Variants in NRDE2 observed in about 807,000 individuals in gnomAD.
NRDE2 encodes nuclear exosome regulator NRDE2.
Under a neutral mutation model 124.2 loss-of-function variants are expected in NRDE2, and 76 were observed. The observed-to-expected ratio is 0.61, with a 90% CI of 0.51 to 0.74. The LOEUF (loss-of-function observed/expected upper bound fraction) is 0.74. NRDE2 is among the 30% of genes least tolerant of loss of function. The probability of loss-of-function intolerance (pLI) is 0.00; values close to 1 mark genes in which losing one functional copy is unlikely to be tolerated. For synonymous variants in NRDE2, 489 were observed against 528.1 expected (o/e 0.93, Z 1.01); for missense variants, 1,314 against 1,417.3 (o/e 0.93, Z 1.17).
chr14:90,295,506 A>G (rs1413544501), intron 8 of NRDE2, among the ~76,000 whole-genome samples: 2 of 152,204 alleles, frequency 1.3e-5, no homozygotes, highest in African/African-American at 2.4e-5. Flanking sequence ...AAAAACTCTT[A>G]TAAGAGAAAT....
chr14:90,270,163 T>C lies in NRDE2; in HGVS notation c.*8173A>G. On this transcript the variant is annotated 3_prime_UTR_variant, in exon 14 of 14. Transcript: ENST00000354366. ...AGCCATGGCCGAGCCTGGGTTTGGA[T>C]GTTGGTGTGACTTCAAATCTCTTTG... The C allele has an allele frequency of 6.2e-7, 1 of 1,607,580 alleles. No homozygotes were observed. Among genetic ancestry groups the C allele is most frequent in the Non-Finnish European group, 8.5e-7 (1 of 1,175,152 alleles).
At chr14:90,294,117 T>C (rs1010907344) in intron 8 of NRDE2, among the ~76,000 whole-genome samples, 1 of 152,108 alleles carries the variant, frequency 6.6e-6, no homozygotes, top group South Asian at 2.1e-4. Context: ...GCAATCAACA[T>C]GAACAAACCA....
In NRDE2 at chr14:90,306,813, A is replaced by G. The variant is rs1481024772; in HGVS notation, c.558-2431T>C. On this transcript the variant is annotated intron_variant, in intron 4 of 13. Coordinates refer to ENST00000354366, the MANE Select transcript of NRDE2 (RefSeq NM_017970.4). ...CAACAGAGTGAGACTTGGTCTCAAA[A>G]AAAAAAAAAATAGCACTAATGTAGT... 9.2e-5 allele frequency among the ~76,000 whole-genome samples: 14 copies of G among 152,126 alleles called. No individual in the cohort carries two copies. The East Asian group carries it at 2.7e-3, about 29-fold the overall frequency.
Position 90,272,192 on chromosome 14 carries a change from C to G in NRDE2, c.*6144G>C. On this transcript the variant is annotated 3_prime_UTR_variant, in exon 14 of 14. Coordinates refer to ENST00000354366, the MANE Select transcript of NRDE2 (RefSeq NM_017970.4). This position sits in a 1 kb window ranked among gnomAD's most constrained non-coding sequence, Gnocchi z 4.5. ...TACAGGTGTGAGCCACCGCGCCTGG[C>G]CTCAGAATAGGTTTTTTGGAATTCC... 1 of 1,532,094 alleles carries G rather than the reference C, an allele frequency of 6.5e-7. No individual in the cohort carries two copies. The highest frequency in any genetic ancestry group is 8.8e-7 in the Non-Finnish European group (1 of 1,130,662). 94.9% of individuals were successfully genotyped at this position (1,532,094 alleles called of 1,614,324 possible). A position where few individuals can be genotyped will look rare whatever the true frequency, so the allele number is the denominator to read the frequency against.
intron 1 of NRDE2, among the ~76,000 whole-genome samples, chr14:90,323,761 C>G (rs1885321490): frequency 6.6e-6 from 1 of 152,256 alleles, no homozygotes; most frequent in South Asian, 2.1e-4. Flanking sequence ...GGACCAAAAC[C>G]CAATGTTCTA....
At chr14:90,322,546 A>C (rs1047112974) in intron 1 of NRDE2, among the ~76,000 whole-genome samples, 1 of 152,238 alleles carries the variant, frequency 6.6e-6, no homozygotes, top group Non-Finnish European at 1.5e-5. Flanking sequence ...TCTTCAAAAA[A>C]AAATCCATTA....
Position 90,302,709 on chromosome 14 carries a change from T to C in NRDE2, c.1411+11A>G. 1.3e-6 allele frequency: 2 copies of C among 1,585,150 alleles called. No individual in the cohort carries two copies. Among genetic ancestry groups the C allele is most frequent in the Non-Finnish European group, 1.7e-6 (2 of 1,165,302 alleles). On this transcript the variant is annotated intron_variant, in intron 6 of 13. Transcript: ENST00000354366. ...CTCCTCCCACGTAACTGGATCTGGT[T>C]ATCTCCTTACCAAACATGGCCTCTT...
intron 4 of NRDE2, among the ~76,000 whole-genome samples, chr14:90,311,362 T>C (rs1884830301): frequency 6.6e-6 from 1 of 152,260 alleles, no homozygotes; most frequent in East Asian, 1.9e-4. Flanking sequence ...TCATCTTGAA[T>C]TGTAGTTCCC....
intron 1 of NRDE2, among the ~76,000 whole-genome samples, chr14:90,330,243 G>T (rs946526159): frequency 4.7e-5 from 2 of 42,952 alleles, no homozygotes; most frequent in Admixed American, 2.3e-4. Context: ...ATAAAAAGAA[G>T]TAATTAATCC....
intron 4 of NRDE2, among the ~76,000 whole-genome samples, chr14:90,311,206 C>G (rs1247523355): frequency 6.6e-6 from 1 of 152,168 alleles, no homozygotes; most frequent in Admixed American, 6.5e-5. Context: ...ATTGATGATT[C>G]TCTATCTTCA....
chr14:90,271,609 G>A lies in NRDE2; in HGVS notation c.*6727C>T, dbSNP rs1329600419. On this transcript the variant is annotated 3_prime_UTR_variant, in exon 14 of 14. Coordinates refer to ENST00000354366, the MANE Select transcript of NRDE2 (RefSeq NM_017970.4). Reference sequence around the variant, plus strand: ...ATGAAATAGACATATACTGTCAATTGCCTCTAAGTTTCAGGGCATAATTTT... The same window carrying A: ...ATGAAATAGACATATACTGTCAATTACCTCTAAGTTTCAGGGCATAATTTT... 6.6e-6 allele frequency: 1 copy of A among 152,016 alleles called. No individual in the cohort carries two copies. Among genetic ancestry groups the A allele is most frequent in the Non-Finnish European group, 1.5e-5 (1 of 68,014 alleles). The allele number at this position is 152,016 out of a possible 1,614,324, so 9.4% of individuals were successfully genotyped here.
chr14:90,304,917 A>T (rs1348026535), intron 4 of NRDE2, among the ~76,000 whole-genome samples: 1 of 152,226 alleles, frequency 6.6e-6, no homozygotes, highest in African/African-American at 2.4e-5. Context: ...AAATGAAATT[A>T]CATTTGGTTA....
chr14:90,306,643 T>C (rs955717288), intron 4 of NRDE2, among the ~76,000 whole-genome samples: 8 of 152,068 alleles, frequency 5.3e-5, no homozygotes, highest in Non-Finnish European at 8.8e-5. Flanking sequence ...AAACCCCGTC[T>C]CTACTAACTA....
chr14:90,290,438 A>G lies in NRDE2; in HGVS notation c.2012T>C (p.Leu671Pro). ...MDENSIFDNG[L>P]YDEKPLTFFN... ...AAAAGTCAAGGGCTTTTCATCATAA[A>G]GTCCATTATCAAAGATGCTGTTCTC... The change falls in exon 10 of 14, where the codon CTT (leucine) becomes CCT (proline). Residue 671 changes from leucine (L) to proline (P), a missense_variant. Transcript: ENST00000354366. 1 of 1,614,120 alleles carries G rather than the reference A, an allele frequency of 6.2e-7. No individual in the cohort carries two copies. The highest frequency in any genetic ancestry group is 8.5e-7 in the Non-Finnish European group (1 of 1,180,036).
intron 9 of NRDE2, 72 bp from the exon 10 acceptor site, chr14:90,290,679 T>C (rs1417754771): frequency 1.4e-6 from 2 of 1,450,530 alleles, no homozygotes; most frequent in Non-Finnish European, 1.9e-6. Flanking sequence ...ATTCTCTTTA[T>C]ATGCATGTAC....
chr14:90,331,018 C>T (rs1279980726), intron 1 of NRDE2, among the ~76,000 whole-genome samples: 1 of 151,844 alleles, frequency 6.6e-6, no homozygotes, highest in Admixed American at 6.6e-5. Context: ...CCTCAAACTT[C>T]TGGGCTCAAG....
In NRDE2 at chr14:90,290,261, G is replaced by A. The variant is rs1194544616; in HGVS notation, c.2189C>T (p.Ser730Phe). ...CTGTAACCAGGAGAAGCAGAGCTGG[G>A]ACTTCTCTTTGCCTGAAAATAAAGG... ...VMPLFSGKEKSQLCFSWLQYE... is the reference protein window; with the variant it reads ...VMPLFSGKEKFQLCFSWLQYE... The change falls in exon 10 of 14, where the codon TCC (serine) becomes TTC (phenylalanine). Residue 730 changes from serine (S) to phenylalanine (F), a missense_variant. Coordinates refer to ENST00000354366, the MANE Select transcript of NRDE2 (RefSeq NM_017970.4). The A allele has an allele frequency of 1.9e-6, 3 of 1,613,954 alleles. No individual in the cohort carries two copies. In the African/African-American group the frequency reaches 4.0e-5, roughly 22 times the overall value.
At chr14:90,316,940 T>A in intron 2 of NRDE2, 129 bp from the exon 3 acceptor site, 1 of 663,684 alleles carries the variant, frequency 1.5e-6, no homozygotes, top group East Asian at 2.7e-5. Flanking sequence ...TATTTGCCCA[T>A]ATATTACACA....
rs1283296164 is a variant in NRDE2, at chr14:90,272,215, T to C, written c.*6121A>G. 6.3e-7 allele frequency: 1 copy of C among 1,586,404 alleles called. No homozygotes were observed. The highest frequency in any genetic ancestry group is 1.9e-5 in the Admixed American group (1 of 53,142). ...GGCCTCAGAATAGGTTTTTTGGAAT[T>C]CCTTGTTAGAATAAAAATGAGTATG... On this transcript the variant is annotated 3_prime_UTR_variant, in exon 14 of 14. Coordinates refer to ENST00000354366, the MANE Select transcript of NRDE2 (RefSeq NM_017970.4). This position sits in a 1 kb window ranked among gnomAD's most constrained non-coding sequence, Gnocchi z 4.5.
Sources: allele counts gnomAD v4.1 joint callset (sites outside exome capture counted in the v4.1 genomes callset), GRCh38; gene constraint gnomAD v4.1.1; non-coding constraint Gnocchi (gnomAD v3.1); transcripts MANE v1.5; gene names NCBI Gene and HGNC (gene_info 2026-07-23, HGNC 2026-07-21).